Variants in NUFIP1 observed in about 807,000 individuals in gnomAD.
NUFIP1 encodes FMR1-interacting protein NUFIP1.
A neutral mutation model predicts 56.2 loss-of-function variants in NUFIP1; 38 were observed. The ratio of observed to expected loss-of-function variants is 0.68; its 90% CI spans 0.52 to 0.89. The LOEUF is 0.89. Ranked by LOEUF, NUFIP1 falls within the 40% of genes least tolerant of loss-of-function variation. The pLI is 0.00. For synonymous variants in NUFIP1, 215 were observed against 212.4 expected (o/e 1.01, Z -0.10); for missense variants, 567 against 605.8 (o/e 0.94, Z 0.67).
chr13:44,983,655 A>G (rs1872277536), intron 1 of NUFIP1, among the ~76,000 whole-genome samples: 1 of 152,066 alleles, frequency 6.6e-6, no homozygotes, highest in Non-Finnish European at 1.5e-5. Flanking sequence ...AAATTAGCCA[A>G]GCTTGGTGGT....
At position 44,982,575 on chromosome 13, in the gene NUFIP1, C is replaced by T. The variant is rs1190081106; in HGVS notation, c.413-421G>A. Among the ~76,000 whole-genome samples the T allele has an allele frequency of 2.0e-5, 3 of 151,918 alleles. No individual in the cohort carries two copies. In the East Asian group the frequency reaches 5.8e-4, roughly 29 times the overall value. ...CTTTTCCATTCTTATTACCATGCCC[C>T]AAGTCAGAAATTCTGATCTTCCACC... On this transcript the variant is annotated intron_variant, in intron 1 of 9. Transcript: ENST00000379161.
At chr13:44,947,440 T>C (rs191469794) in intron 8 of NUFIP1, among the ~76,000 whole-genome samples, 2 of 152,032 alleles carry the variant, frequency 1.3e-5, no homozygotes, top group Non-Finnish European at 2.9e-5. Context: ...GGTTTCATCA[T>C]GTTGACCAGA....
intron 5 of NUFIP1, among the ~76,000 whole-genome samples, chr13:44,977,062 CA>C (rs908972271): frequency 2.2e-5 from 3 of 134,446 alleles, no homozygotes; most frequent in Non-Finnish European, 5.1e-5. Flanking sequence ...ATTTAAACCA[CA>C]GCATGGTCCA....
intron 8 of NUFIP1, 50 bp from the exon 9 acceptor site, chr13:44,943,724 AGGT>A: frequency 7.0e-7 from 1 of 1,422,976 alleles, no homozygotes; most frequent in Non-Finnish European, 9.7e-7. Context: ...AAAACAAAAC[AGGT>A]AGACCTTTCA....
At chr13:44,967,959 C>CT (rs35249686) in intron 5 of NUFIP1, among the ~76,000 whole-genome samples, 27 of 151,726 alleles carry the variant, frequency 1.8e-4, no homozygotes, top group African/African-American at 4.6e-4. Context: ...TACCTTCTGC[C>CT]TTTTTTTTTT....
rs112857805 is a variant in NUFIP1 at position 44,948,438 on chromosome 13, G to T, written c.1138+1284C>A. On this transcript the variant is annotated intron_variant, in intron 8 of 9. Transcript: ENST00000379161. Reference sequence around the variant, plus strand: ...ATTACAGATGTGAGCCACCGTGCCTGGCCCATCCAATTACATTTGAATCTT... The same window carrying T: ...ATTACAGATGTGAGCCACCGTGCCTTGCCCATCCAATTACATTTGAATCTT... Among the ~76,000 whole-genome samples, 4 of 152,110 alleles carry T rather than the reference G, an allele frequency of 2.6e-5. 1 individual carries two copies. The highest frequency in any genetic ancestry group is 9.6e-5 in the African/African-American group (4 of 41,500).
intron 8 of NUFIP1, among the ~76,000 whole-genome samples, chr13:44,948,903 A>C (rs887292358): frequency 6.6e-6 from 1 of 152,214 alleles, no homozygotes; most frequent in African/African-American, 2.4e-5. Context: ...CCGACCTTTA[A>C]AATGCACAAG....
Position 44,939,397 on chromosome 13 carries a change from C to T in NUFIP1, c.*1809G>A, listed in dbSNP as rs1431458850. On this transcript the variant is annotated 3_prime_UTR_variant, in exon 10 of 10. Transcript: ENST00000379161. ...ATAAAAGGCACAACTCACCAATAGT[C>T]ATGTAATGCTTACATTTCAGAAACT... is the stretch of plus-strand genomic sequence containing the variant. 1 of 152,138 alleles carries T rather than the reference C, an allele frequency of 6.6e-6. No homozygotes were observed. The highest frequency in any genetic ancestry group is 2.4e-5 in the African/African-American group (1 of 41,424). The allele number at this position is 152,138 out of a possible 1,614,324, so 9.4% of individuals were successfully genotyped here. A position where few individuals can be genotyped will look rare whatever the true frequency, so the allele number is the denominator to read the frequency against.
At chr13:44,944,444 T>C (rs190937982) in intron 8 of NUFIP1, among the ~76,000 whole-genome samples, 47 of 152,238 alleles carry the variant, frequency 3.1e-4, no homozygotes, top group African/African-American at 1.0e-3. Flanking sequence ...TCAATATGCA[T>C]TGCAGCGAAA....
At chr13:44,942,967 T>TA (rs397959012) in intron 9 of NUFIP1, among the ~76,000 whole-genome samples, 1,441 of 105,096 alleles carry the variant, frequency 0.014, 13 homozygotes, top group East Asian at 0.041. Context: ...CCTCAACTCT[T>TA]AAAAAAAAAA....
At chr13:44,981,669 GGT>G in intron 2 of NUFIP1, among the ~76,000 whole-genome samples, 1 of 152,206 alleles carries the variant, frequency 6.6e-6, no homozygotes, top group East Asian at 1.9e-4. Context: ...AAATTAGCCA[GGT>G]GTGGTGGTGC....
chr13:44,942,119 C>G (rs967729390), intron 9 of NUFIP1, among the ~76,000 whole-genome samples: 1 of 152,108 alleles, frequency 6.6e-6, no homozygotes, highest in Non-Finnish European at 1.5e-5. Context: ...AAGAGGATTG[C>G]CCAAACCCAA....
chr13:44,985,765 C>A (rs1297050564), intron 1 of NUFIP1, among the ~76,000 whole-genome samples: 1 of 152,156 alleles, frequency 6.6e-6, no homozygotes, highest in Non-Finnish European at 1.5e-5. Context: ...GCCTCCCTAT[C>A]CTCTGAGACG....
intron 5 of NUFIP1, among the ~76,000 whole-genome samples, chr13:44,973,611 A>C (rs533715371): frequency 2.6e-5 from 4 of 152,372 alleles, no homozygotes; most frequent in Non-Finnish European, 4.4e-5. Flanking sequence ...TAATTCAAGA[A>C]TAAAAGACAC....
At chr13:44,977,778 G>A (rs1021106132) in intron 5 of NUFIP1, among the ~76,000 whole-genome samples, 15 of 152,314 alleles carry the variant, frequency 9.8e-5, no homozygotes, top group African/African-American at 3.6e-4. Flanking sequence ...GCTGGGTGTG[G>A]TGGCTCATGC....
rs2137890023 is a variant in NUFIP1 at position 44,943,735 on chromosome 13, T to C, written c.1139-61A>G. 3 of 1,284,146 alleles carry C rather than the reference T, an allele frequency of 2.3e-6. No individual in the cohort carries two copies. In the East Asian group the frequency reaches 6.9e-5, roughly 30 times the overall value. 79.5% of individuals were successfully genotyped at this position (1,284,146 alleles called of 1,614,324 possible). On this transcript the variant is annotated intron_variant, in intron 8 of 9. Transcript: ENST00000379161. ...AAACAAAACAAAACAGGTAGACCTT[T>C]CAAAAGCAACCAACAAATCCATAAT... is the stretch of plus-strand genomic sequence containing the variant.
At chr13:44,953,877 TAAAC>T (rs1191115592) in intron 7 of NUFIP1, among the ~76,000 whole-genome samples, 1 of 151,976 alleles carries the variant, frequency 6.6e-6, no homozygotes, top group East Asian at 1.9e-4. Flanking sequence ...TTCACACAAA[TAAAC>T]AACTCTTTCC....
At chr13:44,944,262 G>A (rs1870841723) in intron 8 of NUFIP1, among the ~76,000 whole-genome samples, 2 of 152,088 alleles carry the variant, frequency 1.3e-5, no homozygotes, top group Non-Finnish European at 2.9e-5. Flanking sequence ...TCAAAAGGAT[G>A]AAAGAAGATA....
At chr13:44,970,763 C>T (rs1048284607) in intron 5 of NUFIP1, among the ~76,000 whole-genome samples, 1 of 152,172 alleles carries the variant, frequency 6.6e-6, no homozygotes, top group Non-Finnish European at 1.5e-5. Flanking sequence ...CAGTCTCTGC[C>T]TTCTGGGTTC....
Sources: gnomAD v4.1 joint callset for allele counts (sites outside exome capture counted in the v4.1 genomes callset) on GRCh38, gnomAD v4.1.1 for gene constraint, MANE v1.5 for transcripts, NCBI Gene and HGNC (gene_info 2026-07-23, HGNC 2026-07-21) for gene names.